The following MRPS28 variants were observed in gnomAD, a reference collection of about 807,000 sequenced individuals.
MRPS28 encodes small ribosomal subunit protein bS1m.
A neutral mutation model predicts 10.8 loss-of-function variants in MRPS28; 7 were observed. The observed-to-expected ratio is 0.65, with a 90% CI of 0.37 to 1.22. MRPS28 has a LOEUF of 1.22. Ranked by LOEUF, MRPS28 falls within the 50% of genes most tolerant of loss-of-function variation. MRPS28 has a pLI of 0.02. For synonymous variants in MRPS28, 121 were observed against 93.3 expected, an observed-to-expected ratio of 1.30 and a Z score of -1.71; for missense variants, 265 against 232.9, an observed-to-expected ratio of 1.14 and a Z score of -0.90.
At chr8:79,930,506 G>C (rs1444444323) in intron 2 of MRPS28, among the ~76,000 whole-genome samples, 1 of 152,150 alleles carries the variant, frequency 6.6e-6, no homozygotes, top group Non-Finnish European at 1.5e-5. Context: ...TTGCAAACTG[G>C]GGGTCTGAAG....
intron 2 of MRPS28, among the ~76,000 whole-genome samples, chr8:79,938,126 A>C (rs1008969498): frequency 6.6e-6 from 1 of 152,176 alleles, no homozygotes; most frequent in Non-Finnish European, 1.5e-5. Flanking sequence ...GCAACTTCTG[A>C]AGGATGCACA....
chr8:80,005,983 A>T (rs1256435662), intron 1 of MRPS28, among the ~76,000 whole-genome samples: 1 of 152,206 alleles, frequency 6.6e-6, no homozygotes, highest in Admixed American at 6.5e-5. Flanking sequence ...AGATTCATAA[A>T]GCAAGTCCTT....
At chr8:80,003,457 G>T (rs1458555567) in intron 1 of MRPS28, among the ~76,000 whole-genome samples, 1 of 152,122 alleles carries the variant, frequency 6.6e-6, no homozygotes, top group Non-Finnish European at 1.5e-5. Flanking sequence ...CCTGAAGTCG[G>T]GAGTTCTAAG....
chr8:80,020,424 G>A (rs1205466194), intron 1 of MRPS28, among the ~76,000 whole-genome samples: 2 of 152,146 alleles, frequency 1.3e-5, no homozygotes, highest in African/African-American at 4.8e-5. Context: ...ATGGTTGAGG[G>A]GGCTTTAGAA....
chr8:80,013,376 T>C (rs1809104548), intron 1 of MRPS28, among the ~76,000 whole-genome samples: 1 of 152,030 alleles, frequency 6.6e-6, no homozygotes, highest in African/African-American at 2.4e-5. Context: ...TGGCTCACCC[T>C]GTAATCCCAG....
intron 1 of MRPS28, among the ~76,000 whole-genome samples, chr8:80,005,937 A>C (rs976246115): frequency 2.6e-5 from 4 of 152,242 alleles, no homozygotes; most frequent in African/African-American, 9.6e-5. Context: ...AGAGCTAACT[A>C]TCCTAAATAT....
chr8:79,939,350 T>C (rs940235889), intron 2 of MRPS28, among the ~76,000 whole-genome samples: 4 of 152,338 alleles, frequency 2.6e-5, no homozygotes, highest in Middle Eastern at 3.4e-3. Context: ...TTTTCTGGCA[T>C]AGTAGTTTTA....
intron 2 of MRPS28, among the ~76,000 whole-genome samples, chr8:79,985,177 T>C (rs1808115131): frequency 1.3e-5 from 2 of 152,170 alleles, no homozygotes; most frequent in Admixed American, 1.3e-4. Context: ...GAATGACTAC[T>C]GGGTACATAA....
rs545439341 is a variant in MRPS28, at chr8:80,028,479, C to G, written c.213+1557G>C. Among the ~76,000 whole-genome samples, 295 of 152,052 alleles carry G rather than the reference C, an allele frequency of 1.9e-3. 1 individual carries two copies. Among genetic ancestry groups the G allele is most frequent in the Middle Eastern group, 6.8e-3 (2 of 294 alleles). On this transcript the variant is annotated intron_variant, in intron 1 of 2. Transcript: ENST00000276585. ...GGTAGAAAGAATAATGCCCCCTCCC[C>G]CTACAAAGACATCCACATCCTAATC...
intron 1 of MRPS28, among the ~76,000 whole-genome samples, chr8:80,013,807 T>G (rs1448115321): frequency 1.3e-5 from 2 of 152,122 alleles, no homozygotes; most frequent in African/African-American, 4.8e-5. Flanking sequence ...CTTTTGTTTC[T>G]TTAACACTAA....
intron 2 of MRPS28, among the ~76,000 whole-genome samples, chr8:79,997,619 A>G (rs1480968691): frequency 6.6e-6 from 1 of 152,208 alleles, no homozygotes. Context: ...TGGGGGAAAA[A>G]AAAAAAACCA....
chr8:79,954,802 C>T (rs1807162531), intron 2 of MRPS28, among the ~76,000 whole-genome samples: 1 of 152,178 alleles, frequency 6.6e-6, no homozygotes, highest in Non-Finnish European at 1.5e-5. Context: ...TCTCCCTCTT[C>T]TCTATCTTGA....
At chr8:80,003,644 C>CGGGTGCAGGGCAGT (rs1459255018) in intron 1 of MRPS28, among the ~76,000 whole-genome samples, 4 of 152,160 alleles carry the variant, frequency 2.6e-5, no homozygotes, top group African/African-American at 9.7e-5. Flanking sequence ...TGTCGGACAG[C>CGGGTGCAGGGCAGT]GGGTGCAGGG....
chr8:80,026,746 A>T (rs955721839), intron 1 of MRPS28, among the ~76,000 whole-genome samples: 47 of 152,002 alleles, frequency 3.1e-4, no homozygotes, highest in African/African-American at 4.1e-4. Context: ...ATTTGGGATT[A>T]AAAAAAATGG....
At chr8:79,991,792 T>C (rs1431298721) in intron 2 of MRPS28, among the ~76,000 whole-genome samples, 1 of 152,194 alleles carries the variant, frequency 6.6e-6, no homozygotes, top group Non-Finnish European at 1.5e-5. Flanking sequence ...CAAAGCCCAA[T>C]TCCCTTTCTC....
intron 2 of MRPS28, among the ~76,000 whole-genome samples, chr8:79,963,740 A>G (rs1807430533): frequency 6.6e-6 from 1 of 152,100 alleles, no homozygotes; most frequent in South Asian, 2.1e-4. Context: ...CTGTTTGTAC[A>G]GTGTATACAG....
intron 2 of MRPS28, among the ~76,000 whole-genome samples, chr8:79,963,333 A>G (rs1015915560): frequency 6.6e-6 from 1 of 152,090 alleles, no homozygotes; most frequent in Non-Finnish European, 1.5e-5. Context: ...AGTCCACCAT[A>G]TATGAACCCA....
chr8:79,954,532 A>G (rs1420790391), intron 2 of MRPS28, among the ~76,000 whole-genome samples: 2 of 152,134 alleles, frequency 1.3e-5, no homozygotes, highest in East Asian at 3.9e-4. Flanking sequence ...TCTTGGTTCT[A>G]TCCTCTGAAC....
At chr8:79,997,645 G>C (rs1459471917) in intron 2 of MRPS28, among the ~76,000 whole-genome samples, 1 of 151,528 alleles carries the variant, frequency 6.6e-6, no homozygotes, top group East Asian at 1.9e-4. Flanking sequence ...TTCTGTTATG[G>C]AGTCTTTCTA....
Sources: gnomAD v4.1 joint callset for allele counts (sites outside exome capture counted in the v4.1 genomes callset) on GRCh38, gnomAD v4.1.1 for gene constraint, MANE v1.5 for transcripts, NCBI Gene and HGNC (gene_info 2026-07-23, HGNC 2026-07-21) for gene names.